The following TLCD3A variants were observed in gnomAD, a reference collection of about 807,000 sequenced individuals.
The protein encoded by TLCD3A is TLC domain-containing protein 3A.
TLCD3A carries 17 observed loss-of-function variants against 29.9 expected under a neutral mutation model. The observed-to-expected ratio is 0.57, with a 90% CI of 0.39 to 0.85. The LOEUF is 0.85. Among genes scored for constraint, TLCD3A ranks in the 40% least tolerant of loss-of-function variants. The pLI, the probability that TLCD3A is intolerant of heterozygous loss-of-function variation, is 0.00. For missense variants in TLCD3A, 332 were observed against 350.8 expected (o/e 0.95, Z 0.43); for synonymous variants, 143 against 147.7 (o/e 0.97, Z 0.23).
chr17:735,639 T>C (rs888922795), intron 2 of TLCD3A, among the ~76,000 whole-genome samples: 2 of 152,022 alleles, frequency 1.3e-5, no homozygotes, highest in African/African-American at 2.4e-5. Flanking sequence ...TAGATGGGCA[T>C]TGGAATAAGT....
At position 732,967 on chromosome 17, in the gene TLCD3A, C is replaced by T. The variant is rs1279125565; in HGVS notation, c.123-131C>T. On this transcript the variant is annotated intron_variant, in intron 1 of 4. Transcript: ENST00000308278. ...CGGGGCCGGGGCGGGCGGGAATGGC[C>T]GATGAGCCTCCGGAGCCCGCTCCCC... The T allele has an allele frequency of 8.6e-6, 12 of 1,395,252 alleles. No homozygotes were observed. In the East Asian group the frequency reaches 3.3e-4, roughly 38 times the overall value. 86.4% of individuals were successfully genotyped at this position (1,395,252 alleles called of 1,614,324 possible). A position where few individuals can be genotyped will look rare whatever the true frequency, so the allele number is the denominator to read the frequency against.
At chr17:736,661 TTG>T (rs774915334) in intron 2 of TLCD3A, among the ~76,000 whole-genome samples, 6 of 152,286 alleles carry the variant, frequency 3.9e-5, no homozygotes, top group Admixed American at 1.3e-4. Context: ...TTGTTGTGTT[TTG>T]TGTGTTTTTT....
chr17:736,006 A>AAG (rs57664783), intron 2 of TLCD3A, among the ~76,000 whole-genome samples: 1 of 137,570 alleles, frequency 7.3e-6, no homozygotes. Context: ...AAAAAAAAAA[A>AAG]GGAACCTGGC....
At chr17:733,229 C>T (rs767994589) in intron 2 of TLCD3A, 48 bp downstream of exon 2, 6 of 1,452,802 alleles carry the variant, frequency 4.1e-6, no homozygotes, top group Non-Finnish European at 4.6e-6. Context: ...ATTTCAGTAG[C>T]TCGCAGGCTC....
intron 2 of TLCD3A, 52 bp downstream of exon 2, chr17:733,233 C>A: frequency 6.9e-7 from 1 of 1,440,098 alleles, no homozygotes; most frequent in Non-Finnish European, 9.3e-7. Context: ...CAGTAGCTCG[C>A]AGGCTCTGGC....
intron 2 of TLCD3A, 104 bp downstream of exon 2, chr17:733,285 G>C: frequency 4.4e-6 from 5 of 1,125,634 alleles, no homozygotes; most frequent in South Asian, 1.7e-5. Context: ...AATGGGAAAA[G>C]CTGGCACCAC....
rs1010579375 is a variant in TLCD3A, at chr17:733,127, C to G, written c.152C>G (p.Ala51Gly). The change falls in exon 2 of 5, where the codon GCC (alanine) becomes GGC (glycine). Residue 51 changes from alanine to glycine, a missense_variant. Ala to Gly is a moderately conservative substitution (Grantham distance 60). Transcript: ENST00000308278. ...GTTTCCTCGGTGCACGCCGTGCTGG[C>G]CACCGGCTCGGGGATCGTCATCATT... The part of the protein sequence containing the change: ...RLVSSVHAVL[A>G]TGSGIVIIRS... The G allele has an allele frequency of 6.3e-7, 1 of 1,592,936 alleles. No individual in the cohort carries two copies. Among genetic ancestry groups the G allele is most frequent in the Non-Finnish European group, 8.5e-7 (1 of 1,171,012 alleles).
Position 740,523 on chromosome 17 carries a change from G to C in TLCD3A, c.427G>C (p.Gly143Arg), listed in dbSNP as rs1332427228. 1.2e-6 allele frequency: 2 copies of C among 1,613,950 alleles called. No homozygotes were observed. Among genetic ancestry groups the C allele is most frequent in the African/African-American group, 1.3e-5 (1 of 74,920 alleles). The change falls in exon 4 of 5, where the codon GGG becomes CGG. Residue 143 changes from glycine to arginine, a missense_variant. Coordinates refer to ENST00000308278, the MANE Select transcript of TLCD3A (RefSeq NM_024792.3). ...PVAQRLRGDL[G>R]DFFVGCIFTA... is the part of the protein sequence containing the mutation. ...TCCGCAGAGGCTCCGGGGAGACCTT[G>C]GGGACTTCTTTGTCGGCTGCATCTT... is the stretch of plus-strand genomic sequence containing the variant.
At chr17:738,556 TACCAAC>T (rs2144118369) in intron 3 of TLCD3A, among the ~76,000 whole-genome samples, 1 of 152,286 alleles carries the variant, frequency 6.6e-6, no homozygotes, top group East Asian at 1.9e-4. Context: ...TGATCCTCCT[TACCAAC>T]ATCAACATCA....
chr17:739,695 C>A (rs1974218448), intron 3 of TLCD3A, among the ~76,000 whole-genome samples: 1 of 152,184 alleles, frequency 6.6e-6, no homozygotes, highest in South Asian at 2.1e-4. Flanking sequence ...TAGTCTTATG[C>A]TGTAGATGAA....
intron 1 of TLCD3A, 46 bp from the exon 2 acceptor site, chr17:733,052 C>T: frequency 6.5e-7 from 1 of 1,541,032 alleles, no homozygotes; most frequent in Non-Finnish European, 8.8e-7. Flanking sequence ...CCCTGCGGTC[C>T]TCGGACCGGA....
Position 732,653 on chromosome 17 carries a change from GCT to G in TLCD3A, c.7_8del (p.Leu3AspfsTer84). On this transcript the variant is annotated frameshift_variant, in exon 1 of 5. Transcript: ENST00000308278. LOFTEE classifies it high-confidence loss of function. ...CGGCCGGACCCGCAGCCCCGATGCT[GCT>G]GACGCTGGCCGGGGGCGCGCTCTTC... ML[L>X]TLAGGALFFP... 1 of 1,365,316 alleles carries G rather than the reference GCT, an allele frequency of 7.3e-7. No individual in the cohort carries two copies. Among genetic ancestry groups the G allele is most frequent in the Non-Finnish European group, 9.5e-7 (1 of 1,054,778 alleles). The allele number at this position is 1,365,316 out of a possible 1,614,324, so 84.6% of individuals were successfully genotyped here.
intron 2 of TLCD3A, among the ~76,000 whole-genome samples, chr17:733,588 C>G (rs752420061): frequency 6.6e-6 from 1 of 152,156 alleles, no homozygotes; most frequent in Non-Finnish European, 1.5e-5. Flanking sequence ...CCCCCTTCCA[C>G]GCAAACGCCG....
intron 4 of TLCD3A, 82 bp from the exon 5 acceptor site, chr17:741,219 A>T: frequency 7.0e-7 from 1 of 1,428,738 alleles, no homozygotes; most frequent in African/African-American, 1.4e-5. Flanking sequence ...TGTGGCATTT[A>T]CTGTGGTGGG....
chr17:732,790 C>T (rs1369024247), intron 1 of TLCD3A, 21 bp downstream of exon 1: 5 of 1,439,672 alleles, frequency 3.5e-6, no homozygotes, highest in African/African-American at 3.0e-5. Flanking sequence ...CGCCGAGACG[C>T]CCCCCGAGGC....
At chr17:738,389 C>T (rs539464438) in intron 3 of TLCD3A, among the ~76,000 whole-genome samples, 1 of 152,004 alleles carries the variant, frequency 6.6e-6, no homozygotes, top group Non-Finnish European at 1.5e-5. Flanking sequence ...AGCCACTGCG[C>T]CCGGCCTGAG....
chr17:741,406 G>A lies in TLCD3A; in HGVS notation c.610G>A (p.Gly204Ser), dbSNP rs775146993. The A allele has an allele frequency of 5.6e-6, 9 of 1,614,200 alleles. 2 individuals are homozygous for A. In the South Asian group the frequency reaches 9.9e-5, roughly 18 times the overall value. ...LLFPFMYWSY[G>S]RQQGLSLLQV... ...CTTCCCCTTCATGTACTGGTCCTAT[G>A]GCCGCCAGCAGGGACTAAGCCTGCT... is the stretch of plus-strand genomic sequence containing the variant. Residue 204 changes from glycine to serine, a missense_variant, in exon 5 of 5, where the codon GGC (glycine) becomes AGC (serine). Coordinates refer to ENST00000308278, the MANE Select transcript of TLCD3A (RefSeq NM_024792.3).
rs745788913 is a variant in TLCD3A, at chr17:737,971, G to A, written c.332G>A (p.Arg111Gln). 2.4e-5 allele frequency: 38 copies of A among 1,613,812 alleles called. No individual in the cohort carries two copies. The highest frequency in any genetic ancestry group is 1.9e-4 in the South Asian group (17 of 91,068). Residue 111 changes from arginine to glutamine, a missense_variant, in exon 3 of 5, where the codon CGA (arginine) becomes CAA (glutamine). Arg to Gln is a conservative substitution (Grantham distance 43). Transcript: ENST00000308278. ...AACCGTGCGCCCTCCCTCACTCTTC[G>A]AAACTTCCTAAGTCGAAACCGCCTC... ...DQNRAPSLTL[R>Q]NFLSRNRLMI...
In TLCD3A at chr17:737,353, G is replaced by C. The variant is rs1311536100; in HGVS notation, c.207-493G>C. Among the ~76,000 whole-genome samples the C allele has an allele frequency of 3.3e-5, 5 of 152,132 alleles. No homozygotes were observed. In the South Asian group the frequency reaches 1.0e-3, roughly 32 times the overall value. On this transcript the variant is annotated intron_variant, in intron 2 of 4. Transcript: ENST00000308278. Reference sequence around the variant, plus strand: ...AGAAAATGGCCAGGGTTGCCTCCCAGAAACTCCATAGAGTGGGGTTGCATG... The same window carrying C: ...AGAAAATGGCCAGGGTTGCCTCCCACAAACTCCATAGAGTGGGGTTGCATG...
Sources: allele counts gnomAD v4.1 joint callset (sites outside exome capture counted in the v4.1 genomes callset), GRCh38; gene constraint gnomAD v4.1.1; transcripts MANE v1.5; gene names NCBI Gene and HGNC (gene_info 2026-07-23, HGNC 2026-07-21).